Variants in CCDC24 observed in about 807,000 individuals in gnomAD.
CCDC24 encodes coiled-coil domain-containing protein 24.
Under a neutral mutation model 31.6 loss-of-function variants are expected in CCDC24, and 34 were observed. That is an observed-to-expected ratio of 1.08 (90% CI 0.82 to 1.43). CCDC24 has a LOEUF of 1.43. CCDC24 is among the 40% of genes most tolerant of loss of function. The pLI is 0.00. For synonymous variants in CCDC24, 175 were observed against 157.3 expected (o/e 1.11, Z -0.84); for missense variants, 426 against 391.1 (o/e 1.09, Z -0.75).
rs1277804425 is a variant in CCDC24, at chr1:43,993,925, T to C, written c.458T>C (p.Leu153Pro). 2.5e-6 allele frequency: 4 copies of C among 1,614,056 alleles called. No individual in the cohort carries two copies. Among genetic ancestry groups the C allele is most frequent in the Non-Finnish European group, 3.4e-6 (4 of 1,180,026 alleles). ...GATCTCAGCATCATCAAGGACCAACTGAACGTGTCCAACATTGACCAGGTG... is the reference window on the plus strand; with the variant it reads ...GATCTCAGCATCATCAAGGACCAACCGAACGTGTCCAACATTGACCAGGTG... ...HRDLSIIKDQ[L>P]NVSNIDQVAR... The change falls in exon 5 of 9, where the codon CTG becomes CCG. Residue 153 changes from leucine to proline, a missense_variant. By Grantham distance (98) the Leu-to-Pro change is moderately conservative (BLOSUM62 -3). Transcript: ENST00000372318.
rs1571815876 is a variant in CCDC24, at chr1:43,991,970, C to T, written c.92C>T (p.Ala31Val). The stretch of plus-strand genomic sequence containing the variant: ...GAAGTGAAGAGGATTCTGGGGGAGG[C>T]GGCGGTGGACCTGAGCCTGGAGCTG... ...RREVKRILGE[A>V]AVDLSLELRA... Residue 31 changes from alanine to valine, a missense_variant, in exon 2 of 9, where the codon GCG (alanine) becomes GTG (valine). Coordinates refer to ENST00000372318, the MANE Select transcript of CCDC24 (RefSeq NM_152499.4). 1.3e-6 allele frequency: 2 copies of T among 1,524,420 alleles called. No homozygotes were observed. Among genetic ancestry groups the T allele is most frequent in the Non-Finnish European group, 1.8e-6 (2 of 1,130,048 alleles). The allele number at this position is 1,524,420 out of a possible 1,614,324, so 94.4% of individuals were successfully genotyped here. A position where few individuals can be genotyped will look rare whatever the true frequency, so the allele number is the denominator to read the frequency against.
At position 43,991,964 on chromosome 1, in the gene CCDC24, G is replaced by C; in HGVS notation, c.86G>C (p.Gly29Ala). ...RERREVKRIL[G>A]EAAVDLSLEL... is the part of the protein sequence containing the mutation. The stretch of plus-strand genomic sequence containing the variant: ...CGACGCGAAGTGAAGAGGATTCTGG[G>C]GGAGGCGGCGGTGGACCTGAGCCTG... Residue 29 changes from glycine (G) to alanine (A), a missense_variant, in exon 2 of 9, where the codon GGG (glycine) becomes GCG (alanine). Physicochemically the swap from Gly to Ala is moderately conservative, Grantham distance 60. Transcript: ENST00000372318. 8 of 1,530,530 alleles carry C rather than the reference G, an allele frequency of 5.2e-6. No homozygotes were observed. The highest frequency in any genetic ancestry group is 7.1e-6 in the Non-Finnish European group (8 of 1,133,908). 94.8% of individuals were successfully genotyped at this position (1,530,530 alleles called of 1,614,324 possible).
At position 43,996,271 on chromosome 1, in the gene CCDC24, G is replaced by A. The variant is rs913756749; in HGVS notation, c.*111G>A. 116 of 1,018,264 alleles carry A rather than the reference G, an allele frequency of 1.1e-4. No individual in the cohort carries two copies. The highest frequency in any genetic ancestry group is 1.5e-4 in the Non-Finnish European group (107 of 714,888). The allele number at this position is 1,018,264 out of a possible 1,614,324, so 63.1% of individuals were successfully genotyped here. Reference sequence around the variant, plus strand: ...TCAGATCTGGTCTTGGCGAGCTCTCGCCAGGACCCCAAGGCTGTTGGTCTG... The same window carrying A: ...TCAGATCTGGTCTTGGCGAGCTCTCACCAGGACCCCAAGGCTGTTGGTCTG... On this transcript the variant is annotated 3_prime_UTR_variant, in exon 9 of 9. Transcript: ENST00000372318.
At chr1:43,992,416 C>T in intron 3 of CCDC24, 29 bp downstream of exon 3, 2 of 1,613,576 alleles carry the variant, frequency 1.2e-6, no homozygotes, top group Admixed American at 1.7e-5. Context: ...GGCCCTTTCC[C>T]TAGATACCAG....
chr1:43,991,994 T>C lies in CCDC24; in HGVS notation c.116T>C (p.Leu39Pro), dbSNP rs1340945924. 17 of 1,505,484 alleles carry C rather than the reference T, an allele frequency of 1.1e-5. No homozygotes were observed. The highest frequency in any genetic ancestry group is 1.5e-5 in the Non-Finnish European group (17 of 1,119,586). 93.3% of individuals were successfully genotyped at this position (1,505,484 alleles called of 1,614,324 possible). ...GEAAVDLSLE[L>P]RAEVAMLRAL... ...GCGGCGGTGGACCTGAGCCTGGAGC[T>C]GCGGGCGGAGGTGGGGAGAGGGAAG... is the stretch of plus-strand genomic sequence containing the variant. Residue 39 changes from leucine to proline, a missense_variant, in exon 2 of 9, where the codon CTG (leucine) becomes CCG (proline). Transcript: ENST00000372318.
chr1:43,992,007 G>A lies in CCDC24; in HGVS notation c.126+3G>A, dbSNP rs776221034. On this transcript the variant is annotated splice_donor_region_variant and intron_variant, in intron 2 of 8. Coordinates refer to ENST00000372318, the MANE Select transcript of CCDC24 (RefSeq NM_152499.4). ...TGAGCCTGGAGCTGCGGGCGGAGGTGGGGAGAGGGAAGGTGGGCCACGCCC... is the reference window on the plus strand; with the variant it reads ...TGAGCCTGGAGCTGCGGGCGGAGGTAGGGAGAGGGAAGGTGGGCCACGCCC... 12 of 1,496,684 alleles carry A rather than the reference G, an allele frequency of 8.0e-6. No homozygotes were observed. Among genetic ancestry groups the A allele is most frequent in the African/African-American group, 1.4e-5 (1 of 72,010 alleles). 92.7% of individuals were successfully genotyped at this position (1,496,684 alleles called of 1,614,324 possible). A position where few individuals can be genotyped will look rare whatever the true frequency, so the allele number is the denominator to read the frequency against.
intron 5 of CCDC24, 102 bp downstream of exon 5, chr1:43,994,066 C>A: frequency 9.7e-7 from 1 of 1,034,048 alleles, no homozygotes. Context: ...GTATACTTGG[C>A]GGGGAGGCCC....
chr1:43,994,915 TGCCCAGAAAGA>T (rs2085806620), intron 5 of CCDC24, 182 bp from the exon 6 acceptor site: 3 of 597,402 alleles, frequency 5.0e-6, no homozygotes, highest in Non-Finnish European at 9.0e-6. Context: ...AGATACTTCC[TGCCCAGAAAGA>T]GCCTCACAGG....
intron 5 of CCDC24, 194 bp downstream of exon 5, chr1:43,994,158 T>C (rs1262774614): frequency 6.9e-6 from 4 of 581,670 alleles, no homozygotes; most frequent in Non-Finnish European, 1.2e-5. Flanking sequence ...CAAGTACAGA[T>C]GCCACGGCCG....
In CCDC24 at chr1:43,995,637, C is replaced by G; in HGVS notation, c.589C>G (p.Pro197Ala). The change falls in exon 7 of 9, where the codon CCC (proline) becomes GCC (alanine). Residue 197 changes from proline to alanine, a missense_variant. Physicochemically the swap from Pro to Ala is conservative, Grantham distance 27 (BLOSUM62 -1). Coordinates refer to ENST00000372318, the MANE Select transcript of CCDC24 (RefSeq NM_152499.4). The surrounding 1 kb of genome is among the most constrained non-coding windows in gnomAD (Gnocchi z 4.3). ...LEEEYLRPCH[P>A]SEAALEPTLA... is the part of the protein sequence containing the mutation. Reference sequence around the variant, plus strand: ...AGAGGAGTATTTGAGGCCTTGCCACCCCTCTGAGGCAGCCCTGGAGCCCAC... The same window carrying G: ...AGAGGAGTATTTGAGGCCTTGCCACGCCTCTGAGGCAGCCCTGGAGCCCAC... 6.2e-7 allele frequency: 1 copy of G among 1,612,804 alleles called. No individual in the cohort carries two copies. Among genetic ancestry groups the G allele is most frequent in the East Asian group, 2.2e-5 (1 of 44,846 alleles).
At position 43,996,302 on chromosome 1, in the gene CCDC24, C is replaced by T; in HGVS notation, c.*142C>T. On this transcript the variant is annotated 3_prime_UTR_variant, in exon 9 of 9. Coordinates refer to ENST00000372318, the MANE Select transcript of CCDC24 (RefSeq NM_152499.4). The stretch of plus-strand genomic sequence containing the variant: ...ACCCCAAGGCTGTTGGTCTGTCTGG[C>T]CCTTGCCCCACCCCCTTGCCAGATC... The T allele has an allele frequency of 1.3e-6, 1 of 745,924 alleles. No homozygotes were observed. Among genetic ancestry groups the T allele is most frequent in the Middle Eastern group, 3.7e-4 (1 of 2,696 alleles). The allele number at this position is 745,924 out of a possible 1,614,324, so 46.2% of individuals were successfully genotyped here.
chr1:43,995,522 C>T lies in CCDC24; in HGVS notation c.553-79C>T. ...GGCTGAAGGGGCTGCACGGGCCTGC[C>T]CTGGGGATCTTGGCCTCTGTATCCT... On this transcript the variant is annotated intron_variant, in intron 6 of 8. Transcript: ENST00000372318. The surrounding 1 kb of genome is among the most constrained non-coding windows in gnomAD (Gnocchi z 4.3). 1 of 1,436,694 alleles carries T rather than the reference C, an allele frequency of 7.0e-7. No homozygotes were observed. Among genetic ancestry groups the T allele is most frequent in the Non-Finnish European group, 9.4e-7 (1 of 1,067,062 alleles). 89.0% of individuals were successfully genotyped at this position (1,436,694 alleles called of 1,614,324 possible).
rs367602623 is a variant in CCDC24, at chr1:43,995,681, G to A, written c.622+11G>A. ...AGCCCACCCTGGCAGGTGAGGACAC[G>A]GAGCAGGGCCCAGAACACCCAGCCT... is the stretch of plus-strand genomic sequence containing the variant. On this transcript the variant is annotated intron_variant, in intron 7 of 8. Coordinates refer to ENST00000372318, the MANE Select transcript of CCDC24 (RefSeq NM_152499.4). This position sits in a 1 kb window ranked among gnomAD's most constrained non-coding sequence, Gnocchi z 4.3. 2.6e-5 allele frequency: 42 copies of A among 1,613,412 alleles called. No individual in the cohort carries two copies. The highest frequency in any genetic ancestry group is 1.3e-4 in the South Asian group (12 of 90,988).
In CCDC24 at chr1:43,995,583, A is replaced by C; in HGVS notation, c.553-18A>C. 1 of 1,594,048 alleles carries C rather than the reference A, an allele frequency of 6.3e-7. No individual in the cohort carries two copies. Among genetic ancestry groups the C allele is most frequent in the Non-Finnish European group, 8.6e-7 (1 of 1,168,562 alleles). On this transcript the variant is annotated intron_variant, in intron 6 of 8. Coordinates refer to ENST00000372318, the MANE Select transcript of CCDC24 (RefSeq NM_152499.4). This position sits in a 1 kb window ranked among gnomAD's most constrained non-coding sequence, Gnocchi z 4.3. ...ACCCCTGCCTTGAGTCTGGGCACTG[A>C]CGCAGCTCTCCCTGCAGCGCTGCCT... is the stretch of plus-strand genomic sequence containing the variant.
At position 43,991,923 on chromosome 1, in the gene CCDC24, C is replaced by T. The variant is rs1320747101; in HGVS notation, c.45C>T (p.His15=). The T allele has an allele frequency of 6.5e-7, 1 of 1,546,576 alleles. No homozygotes were observed. The highest frequency in any genetic ancestry group is 2.4e-5 in the East Asian group (1 of 40,996). ...SPSLWELVEE[H]VPLRERREVK... is the part of the protein sequence containing the mutation. ...CGCTGTGGGAGCTGGTGGAGGAGCA[C>T]GTTCCGCTCCGGGAGCGACGCGAAG... The change falls in exon 2 of 9, where the codon CAC becomes CAT. Residue 15 remains histidine, a synonymous_variant. Coordinates refer to ENST00000372318, the MANE Select transcript of CCDC24 (RefSeq NM_152499.4).
Position 43,995,257 on chromosome 1 carries a change from C to G in CCDC24, c.552+95C>G. ...ATGTACCTGTGTGCATACATAGGTGCATGTACAGGCTATGTGAGTCCTGCA... is the reference window on the plus strand; with the variant it reads ...ATGTACCTGTGTGCATACATAGGTGGATGTACAGGCTATGTGAGTCCTGCA... On this transcript the variant is annotated intron_variant, in intron 6 of 8. Transcript: ENST00000372318. This position sits in a 1 kb window ranked among gnomAD's most constrained non-coding sequence, Gnocchi z 4.3. 8.1e-7 allele frequency: 1 copy of G among 1,229,582 alleles called. No homozygotes were observed. Among genetic ancestry groups the G allele is most frequent in the Non-Finnish European group, 1.2e-6 (1 of 867,386 alleles). 76.2% of individuals were successfully genotyped at this position (1,229,582 alleles called of 1,614,324 possible). A position where few individuals can be genotyped will look rare whatever the true frequency, so the allele number is the denominator to read the frequency against.
rs1484893410 is a variant in CCDC24 at position 43,995,366 on chromosome 1, C to A, written c.552+204C>A. 2.8e-6 allele frequency: 2 copies of A among 717,772 alleles called. No individual in the cohort carries two copies. The highest frequency in any genetic ancestry group is 1.8e-5 in the African/African-American group (1 of 56,254). 44.5% of individuals were successfully genotyped at this position (717,772 alleles called of 1,614,324 possible). A position where few individuals can be genotyped will look rare whatever the true frequency, so the allele number is the denominator to read the frequency against. On this transcript the variant is annotated intron_variant, in intron 6 of 8. Transcript: ENST00000372318. The surrounding 1 kb of genome is among the most constrained non-coding windows in gnomAD (Gnocchi z 4.3). Reference sequence around the variant, plus strand: ...CTAGTTGAGCCCTTAAGGCCAGGGCCAACCGTTTTAGGTCTTTTGCCTCCT... The same window carrying A: ...CTAGTTGAGCCCTTAAGGCCAGGGCAAACCGTTTTAGGTCTTTTGCCTCCT...
chr1:43,991,847 G>A lies in CCDC24; in HGVS notation c.-32G>A. The A allele has an allele frequency of 6.5e-7, 1 of 1,547,514 alleles. No individual in the cohort carries two copies. The highest frequency in any genetic ancestry group is 8.7e-7 in the Non-Finnish European group (1 of 1,145,272). On this transcript the variant is annotated splice_region_variant and 5_prime_UTR_variant, in exon 2 of 9. Coordinates refer to ENST00000372318, the MANE Select transcript of CCDC24 (RefSeq NM_152499.4). Reference sequence around the variant, plus strand: ...CCGCACTCTGACCTGCGGCCCGTAGGTCCGAGCCGGGGACGGCGGCGTCGG... The same window carrying A: ...CCGCACTCTGACCTGCGGCCCGTAGATCCGAGCCGGGGACGGCGGCGTCGG...
At chr1:43,991,810 C>G in intron 1 of CCDC24, 37 bp from the exon 2 acceptor site, 1 of 1,536,234 alleles carries the variant, frequency 6.5e-7, no homozygotes, top group South Asian at 1.2e-5. Flanking sequence ...GCCGGCGGGC[C>G]CGCGGTACCT....
Sources: gnomAD v4.1 joint callset for allele counts on GRCh38, gnomAD v4.1.1 for gene constraint, Gnocchi (gnomAD v3.1) non-coding constraint, MANE v1.5 for transcripts, NCBI Gene and HGNC (gene_info 2026-07-23, HGNC 2026-07-21) for gene names.